PTPRM: variants seen among roughly 807,000 people sequenced by gnomAD.
The protein encoded by PTPRM is protein tyrosine phosphatase receptor type M, also known as receptor-type tyrosine-protein phosphatase mu.
PTPRM carries 47 observed loss-of-function variants against 186.7 expected under a neutral mutation model. The ratio of observed to expected loss-of-function variants is 0.25; its 90% CI spans 0.20 to 0.32. The LOEUF (loss-of-function observed/expected upper bound fraction) is 0.32, where lower values mean the gene tolerates loss of function less well. Among genes scored for constraint, PTPRM ranks in the 10% least tolerant of loss-of-function variants. PTPRM has a pLI of 1.00. For synonymous variants in PTPRM, 668 were observed against 674.9 expected, an observed-to-expected ratio of 0.99 and a Z score of 0.16; for missense variants, 1,494 against 1,865.0, an observed-to-expected ratio of 0.80 and a Z score of 3.66.
chr18:8,082,227 C>T (rs62089548), intron 9 of PTPRM, among the ~76,000 whole-genome samples: 51,989 of 152,000 alleles, frequency 0.34, 9,883 homozygotes, highest in Non-Finnish European at 0.43. Context: ...GATACAATTA[C>T]ATGAAATGTT....
At chr18:7,602,069 A>G (rs533228881) in intron 1 of PTPRM, among the ~76,000 whole-genome samples, 2 of 152,328 alleles carry the variant, frequency 1.3e-5, no homozygotes, top group East Asian at 3.9e-4. Flanking sequence ...AACCTGGAGC[A>G]CTTAAGTAAC....
At chr18:7,934,954 C>T (rs11877095) in intron 5 of PTPRM, among the ~76,000 whole-genome samples, 4,630 of 151,984 alleles carry the variant, frequency 0.03, 245 homozygotes, top group African/African-American at 0.11. Flanking sequence ...TGTATGTATG[C>T]GATGTTGCCT....
intron 14 of PTPRM, among the ~76,000 whole-genome samples, chr18:8,214,116 A>T (rs951205764): frequency 1.2e-4 from 18 of 151,988 alleles, no homozygotes; most frequent in Admixed American, 6.6e-5. Context: ...GGAGGGGGGC[A>T]GGTAGGGGAG....
At position 7,687,323 on chromosome 18, in the gene PTPRM, A is replaced by G. The variant is rs114138530; in HGVS notation, c.74-86826A>G. On this transcript the variant is annotated intron_variant, in intron 1 of 32. Coordinates refer to ENST00000580170, the MANE Select transcript of PTPRM (RefSeq NM_001105244.2). ...TTAATTGTGGTCTGGCAAGGAAATA[A>G]TAGCATAAAACCACCAGGGAAATTC... 1.0e-2 allele frequency among the ~76,000 whole-genome samples: 1,516 copies of G among 152,314 alleles called. 31 individuals are homozygous for G. Among genetic ancestry groups the G allele is most frequent in the African/African-American group, 0.034 (1,433 of 41,578 alleles).
chr18:7,787,964 T>A (rs1447257744), intron 2 of PTPRM, among the ~76,000 whole-genome samples: 2 of 152,204 alleles, frequency 1.3e-5, no homozygotes, highest in Admixed American at 1.3e-4. Context: ...TCAAATAATG[T>A]CTTCTTATGA....
intron 23 of PTPRM, among the ~76,000 whole-genome samples, chr18:8,361,399 C>T (rs1410636169): frequency 6.6e-6 from 1 of 152,154 alleles, no homozygotes; most frequent in Non-Finnish European, 1.5e-5. Flanking sequence ...GGATGGTGAC[C>T]ACCACTAACA....
intron 19 of PTPRM, among the ~76,000 whole-genome samples, chr18:8,269,042 A>T (rs1382221185): frequency 1.3e-5 from 2 of 152,054 alleles, no homozygotes; most frequent in African/African-American, 4.8e-5. Context: ...TGTTCAACAT[A>T]GTACTAGAAA....
chr18:8,304,870 A>G (rs192054838), intron 20 of PTPRM, among the ~76,000 whole-genome samples: 1 of 126,298 alleles, frequency 7.9e-6, no homozygotes, highest in Non-Finnish European at 1.7e-5. Context: ...TAGATGTGTT[A>G]TTCTCTTTCT....
chr18:7,678,829 T>A (rs1355330955), intron 1 of PTPRM, among the ~76,000 whole-genome samples: 1 of 152,222 alleles, frequency 6.6e-6, no homozygotes, highest in African/African-American at 2.4e-5. Context: ...TTGATGTGCT[T>A]TCAGACTATT....
intron 14 of PTPRM, among the ~76,000 whole-genome samples, chr18:8,181,755 C>T (rs962377875): frequency 2.6e-5 from 4 of 152,154 alleles, no homozygotes; most frequent in African/African-American, 9.7e-5. Flanking sequence ...AGGCTTTCCC[C>T]AGCTTAACAG....
At chr18:7,737,975 G>A (rs2040807002) in intron 1 of PTPRM, among the ~76,000 whole-genome samples, 1 of 152,064 alleles carries the variant, frequency 6.6e-6, no homozygotes, top group African/African-American at 2.4e-5. Context: ...ATTTCACTCT[G>A]CCATCTTTAA....
At chr18:8,028,760 A>G (rs942862208) in intron 7 of PTPRM, among the ~76,000 whole-genome samples, 11 of 152,232 alleles carry the variant, frequency 7.2e-5, no homozygotes, top group Non-Finnish European at 1.3e-4. Flanking sequence ...TTGCTAGTAC[A>G]TCAGCTGGCT....
At chr18:8,254,564 A>G (rs1454393394) in intron 19 of PTPRM, among the ~76,000 whole-genome samples, 5 of 152,202 alleles carry the variant, frequency 3.3e-5, no homozygotes, top group South Asian at 2.1e-4. Flanking sequence ...ATATTCACCT[A>G]ACTAGCTCAG....
intron 21 of PTPRM, among the ~76,000 whole-genome samples, chr18:8,318,788 A>G (rs529473283): frequency 1.2e-4 from 19 of 152,382 alleles, no homozygotes; most frequent in African/African-American, 4.6e-4. Context: ...GTATAACAGA[A>G]TGTGTGTTAA....
chr18:8,347,538 G>A (rs943392320), intron 23 of PTPRM, among the ~76,000 whole-genome samples: 1 of 152,206 alleles, frequency 6.6e-6, no homozygotes, highest in African/African-American at 2.4e-5. Context: ...GTTTCATTCA[G>A]AGCGACCTGG....
At chr18:7,996,890 C>T (rs1599943050) in intron 7 of PTPRM, among the ~76,000 whole-genome samples, 2 of 149,742 alleles carry the variant, frequency 1.3e-5, no homozygotes, top group South Asian at 4.2e-4. Flanking sequence ...GAATTGAAAA[C>T]ACCAAAAATG....
chr18:8,210,734 C>T lies in PTPRM; in HGVS notation c.2301-33324C>T, dbSNP rs537376940. Among the ~76,000 whole-genome samples the T allele has an allele frequency of 2.6e-4, 40 of 152,170 alleles. No homozygotes were observed. In the South Asian group the frequency reaches 7.1e-3, roughly 27 times the overall value. Reference sequence around the variant, plus strand: ...TTTCACCAGATGATATTTAAAACAACGAGACTGTATGACGTTCTGAAGGTG... The same window carrying T: ...TTTCACCAGATGATATTTAAAACAATGAGACTGTATGACGTTCTGAAGGTG... On this transcript the variant is annotated intron_variant, in intron 14 of 32. Transcript: ENST00000580170.
chr18:7,692,992 G>T (rs897751550), intron 1 of PTPRM, among the ~76,000 whole-genome samples: 2 of 152,160 alleles, frequency 1.3e-5, no homozygotes, highest in Non-Finnish European at 2.9e-5. Flanking sequence ...TTATATTTTG[G>T]GAGTAATTTT....
rs117603653 is a variant in PTPRM, at chr18:8,025,630, A to G, written c.1133-44056A>G. Among the ~76,000 whole-genome samples the G allele has an allele frequency of 1.5e-3, 225 of 152,358 alleles. 3 individuals are homozygous for G. In the East Asian group the frequency reaches 0.034, roughly 23 times the overall value. ...ATGAAGTATTTACAGTAGCAGAAAC[A>G]TAAGAAATGAATTATTTCAACAGCT... On this transcript the variant is annotated intron_variant, in intron 7 of 32. Coordinates refer to ENST00000580170, the MANE Select transcript of PTPRM (RefSeq NM_001105244.2).
Sources: allele counts gnomAD v4.1 joint callset (sites outside exome capture counted in the v4.1 genomes callset), GRCh38; gene constraint gnomAD v4.1.1; transcripts MANE v1.5; gene names NCBI Gene and HGNC (gene_info 2026-07-23, HGNC 2026-07-21).